KLHL28: variants seen among roughly 807,000 people sequenced by gnomAD.
KLHL28 encodes kelch-like protein 28.
KLHL28 carries 22 observed loss-of-function variants against 48.3 expected under a neutral mutation model. That is an observed-to-expected ratio of 0.46 (90% CI 0.33 to 0.65). The LOEUF is 0.65. Ranked by LOEUF, KLHL28 falls within the 30% of genes least tolerant of loss-of-function variation. The probability of loss-of-function intolerance (pLI) is 0.03; values close to 1 mark genes in which losing one functional copy is unlikely to be tolerated. For missense variants in KLHL28, 527 were observed against 704.3 expected, an observed-to-expected ratio of 0.75 and a Z score of 2.85; for synonymous variants, 243 against 242.4, an observed-to-expected ratio of 1.00 and a Z score of -0.02.
rs1883426304 is a variant in KLHL28 at position 44,927,838 on chromosome 14, G to C, written c.*1190C>G. Reference sequence around the variant, plus strand: ...TGCATATATTTCTGTTTTTAAGAAAGACATGTAATATCTAGCACAAGAAGA... The same window carrying C: ...TGCATATATTTCTGTTTTTAAGAAACACATGTAATATCTAGCACAAGAAGA... On this transcript the variant is annotated 3_prime_UTR_variant, in exon 5 of 5. Transcript: ENST00000396128. The C allele has an allele frequency of 6.6e-6, 1 of 152,578 alleles. No individual in the cohort carries two copies. The highest frequency in any genetic ancestry group is 2.1e-4 in the South Asian group (1 of 4,826). The allele number at this position is 152,578 out of a possible 1,614,324, so 9.5% of individuals were successfully genotyped here.
intron 1 of KLHL28, chr14:44,961,043 CA>C: frequency 1.7e-6 from 1 of 574,212 alleles, no homozygotes; most frequent in South Asian, 2.2e-5. Flanking sequence ...CATTCAGGCT[CA>C]CACTAGACAC....
At chr14:44,929,671 C>A (rs190540058) in intron 4 of KLHL28, among the ~76,000 whole-genome samples, 5 of 152,148 alleles carry the variant, frequency 3.3e-5, no homozygotes, top group African/African-American at 1.2e-4. Flanking sequence ...GCAATATGAG[C>A]TTGATGGAAA....
At position 44,925,859 on chromosome 14, in the gene KLHL28, A is replaced by T. The variant is rs1462276939; in HGVS notation, c.*3169T>A. 6.6e-6 allele frequency: 1 copy of T among 152,240 alleles called. No individual in the cohort carries two copies. Among genetic ancestry groups the T allele is most frequent in the East Asian group, 1.9e-4 (1 of 5,208 alleles). The allele number at this position is 152,240 out of a possible 1,614,324, so 9.4% of individuals were successfully genotyped here. On this transcript the variant is annotated 3_prime_UTR_variant, in exon 5 of 5. Transcript: ENST00000396128. ...TTACAACATCCAATGATTATTGAAT[A>T]GCCAAAGGTGCCTAACAGATTAAGT...
At chr14:44,938,440 C>T (rs1196634257) in intron 2 of KLHL28, among the ~76,000 whole-genome samples, 5 of 151,784 alleles carry the variant, frequency 3.3e-5, no homozygotes, top group Admixed American at 1.3e-4. Context: ...GGTGCAATCT[C>T]GGCTCACTGC....
chr14:44,934,462 T>A lies in KLHL28; in HGVS notation c.996A>T (p.Lys332Asn), dbSNP rs1230434511. The A allele has an allele frequency of 1.2e-6, 2 of 1,613,884 alleles. No individual in the cohort carries two copies. The highest frequency in any genetic ancestry group is 1.7e-6 in the Non-Finnish European group (2 of 1,179,828). Residue 332 changes from lysine to asparagine, a missense_variant, in exon 3 of 5, where the codon AAA becomes AAT. Transcript: ENST00000396128. ...TTGCAATACCACCTATAACATATAC[T>A]TTTTGGTCTAAAACGCATATTCCAA... ...YEFGICVLDQ[K>N]VYVIGGIATN...
chr14:44,933,511 AG>A (rs1883674028), intron 3 of KLHL28, among the ~76,000 whole-genome samples: 1 of 152,026 alleles, frequency 6.6e-6, no homozygotes, highest in Non-Finnish European at 1.5e-5. Context: ...TTTTCAATAA[AG>A]GTTCAGAATT....
At position 44,926,149 on chromosome 14, in the gene KLHL28, A is replaced by G. The variant is rs903434066; in HGVS notation, c.*2879T>C. The G allele has an allele frequency of 2.8e-4, 42 of 152,346 alleles. No individual in the cohort carries two copies. The highest frequency in any genetic ancestry group is 1.0e-3 in the African/African-American group (42 of 41,588). 9.4% of individuals were successfully genotyped at this position (152,346 alleles called of 1,614,324 possible). A position where few individuals can be genotyped will look rare whatever the true frequency, so the allele number is the denominator to read the frequency against. Reference sequence around the variant, plus strand: ...GAAACTTCTCACAAATTTGTAAAAGAAGGCGCTAATGTAAACATATTAGTT... The same window carrying G: ...GAAACTTCTCACAAATTTGTAAAAGGAGGCGCTAATGTAAACATATTAGTT... On this transcript the variant is annotated 3_prime_UTR_variant, in exon 5 of 5. Coordinates refer to ENST00000396128, the MANE Select transcript of KLHL28 (RefSeq NM_017658.5).
At chr14:44,952,949 T>C (rs1038319577) in intron 1 of KLHL28, among the ~76,000 whole-genome samples, 1 of 152,012 alleles carries the variant, frequency 6.6e-6, no homozygotes, top group South Asian at 2.1e-4. Context: ...AGTAAAAGCA[T>C]TAATTTTAGA....
intron 1 of KLHL28, among the ~76,000 whole-genome samples, chr14:44,955,925 C>T (rs1884776975): frequency 1.3e-5 from 2 of 152,206 alleles, no homozygotes; most frequent in South Asian, 2.1e-4. Context: ...ATAATAATAA[C>T]TGCAATTGAT....
At chr14:44,935,378 T>C (rs1208557017) in intron 2 of KLHL28, among the ~76,000 whole-genome samples, 1 of 152,218 alleles carries the variant, frequency 6.6e-6, no homozygotes, top group Admixed American at 6.5e-5. Context: ...GTTTACTTTG[T>C]GGTAATTCAC....
Position 44,945,847 on chromosome 14 carries a change from G to C in KLHL28, c.82C>G (p.Leu28Val). ...SEQLLQGLNL[L>V]RQHHELCDII... ...TCACAGAGTTCGTGATGTTGGCGAA[G>C]AAGATTCAAGCCCTGCAGAAGTTGT... is the stretch of plus-strand genomic sequence containing the variant. The change falls in exon 2 of 5, where the codon CTT becomes GTT. Residue 28 changes from leucine to valine, a missense_variant. By Grantham distance (32) the Leu-to-Val change is conservative (BLOSUM62 1). Transcript: ENST00000396128. 6.2e-7 allele frequency: 1 copy of C among 1,614,104 alleles called. No homozygotes were observed. The highest frequency in any genetic ancestry group is 1.1e-5 in the South Asian group (1 of 91,084).
At chr14:44,956,879 G>A (rs1850806369) in intron 1 of KLHL28, among the ~76,000 whole-genome samples, 1 of 152,192 alleles carries the variant, frequency 6.6e-6, no homozygotes, top group South Asian at 2.1e-4. Context: ...GTGCAATGGT[G>A]CAATTATAGC....
At position 44,934,392 on chromosome 14, in the gene KLHL28, C is replaced by A. The variant is rs1322639908; in HGVS notation, c.1066G>T (p.Val356Leu). 1 of 1,614,122 alleles carries A rather than the reference C, an allele frequency of 6.2e-7. No individual in the cohort carries two copies. The highest frequency in any genetic ancestry group is 8.5e-7 in the Non-Finnish European group (1 of 1,180,016). Residue 356 changes from valine (V) to leucine (L), a missense_variant, in exon 3 of 5, where the codon GTG (valine) becomes TTG (leucine). Val to Leu is a conservative substitution (Grantham distance 32, BLOSUM62 1). Coordinates refer to ENST00000396128, the MANE Select transcript of KLHL28 (RefSeq NM_017658.5). ...GVTIRKHENS[V>L]ECWNPDTNTW... is the part of the protein sequence containing the mutation. ...TTTGTATCAGGATTCCAGCATTCCACTGAATTTTCATGTTTTCTGATAGTG... is the reference window on the plus strand; with the variant it reads ...TTTGTATCAGGATTCCAGCATTCCAATGAATTTTCATGTTTTCTGATAGTG...
intron 1 of KLHL28, among the ~76,000 whole-genome samples, chr14:44,955,731 T>G (rs1431991030): frequency 1.3e-5 from 2 of 152,146 alleles, no homozygotes; most frequent in Non-Finnish European, 2.9e-5. Context: ...GGCTGCAGTG[T>G]GCAGTGATTG....
At chr14:44,942,667 T>G (rs369133730) in intron 2 of KLHL28, among the ~76,000 whole-genome samples, 12 of 152,182 alleles carry the variant, frequency 7.9e-5, no homozygotes, top group African/African-American at 2.7e-4. Flanking sequence ...TATCCCATAA[T>G]GTATCATGCC....
chr14:44,936,101 T>C (rs2138597183), intron 2 of KLHL28, among the ~76,000 whole-genome samples: 1 of 151,850 alleles, frequency 6.6e-6, no homozygotes, highest in South Asian at 2.1e-4. Flanking sequence ...TGATATATGA[T>C]GGAGTAGTCT....
intron 1 of KLHL28, among the ~76,000 whole-genome samples, chr14:44,956,148 A>G (rs1884785841): frequency 1.3e-5 from 2 of 152,062 alleles, no homozygotes; most frequent in South Asian, 4.1e-4. Flanking sequence ...TTTTTAAGAG[A>G]TAGGGTCTTG....
In KLHL28 at chr14:44,945,940, T is replaced by TA. The variant is rs1566572954; in HGVS notation, c.1-13dup. 6.3e-7 allele frequency: 1 copy of TA among 1,598,066 alleles called. No individual in the cohort carries two copies. Among genetic ancestry groups the TA allele is most frequent in the East Asian group, 2.2e-5 (1 of 44,618 alleles). ...GATGTGTGGTCCATCTACAGAAAAA[T>TA]AAAAAAGCATAGACAGTTATTTCAA... On this transcript the variant is annotated splice_polypyrimidine_tract_variant and intron_variant, in intron 1 of 4. Transcript: ENST00000396128.
At chr14:44,939,995 A>G (rs984725346) in intron 2 of KLHL28, among the ~76,000 whole-genome samples, 1 of 152,234 alleles carries the variant, frequency 6.6e-6, no homozygotes, top group Non-Finnish European at 1.5e-5. Flanking sequence ...TAATTTATAA[A>G]GAACAAAAGT....
Sources: gnomAD v4.1 joint callset for allele counts (sites outside exome capture counted in the v4.1 genomes callset) on GRCh38, gnomAD v4.1.1 for gene constraint, MANE v1.5 for transcripts, NCBI Gene and HGNC (gene_info 2026-07-23, HGNC 2026-07-21) for gene names.